The following ARHGAP20 variants were observed in gnomAD, a reference collection of about 807,000 sequenced individuals.
ARHGAP20 encodes Rho GTPase activating protein 20.
ARHGAP20 carries 34 observed loss-of-function variants against 73.7 expected under a neutral mutation model. The observed-to-expected ratio is 0.46, with a 90% confidence interval of 0.35 to 0.61. The LOEUF (loss-of-function observed/expected upper bound fraction) is 0.61. Ranked by LOEUF, ARHGAP20 falls within the 20% of genes least tolerant of loss-of-function variation. The pLI, the probability that ARHGAP20 is intolerant of heterozygous loss-of-function variation, is 0.00. For synonymous variants in ARHGAP20, 523 were observed against 518.2 expected, an observed-to-expected ratio of 1.01 and a Z score of -0.13; for missense variants, 1,314 against 1,420.9, an observed-to-expected ratio of 0.92 and a Z score of 1.21.
At chr11:110,603,368 T>C (rs894524288) in intron 9 of ARHGAP20, among the ~76,000 whole-genome samples, 1 of 152,206 alleles carries the variant, frequency 6.6e-6, no homozygotes, top group Non-Finnish European at 1.5e-5. Flanking sequence ...TAGTTTTTGC[T>C]GTAGATATGA....
intron 11 of ARHGAP20, among the ~76,000 whole-genome samples, chr11:110,589,145 A>T (rs1947754353): frequency 6.6e-6 from 1 of 152,244 alleles, no homozygotes; most frequent in African/African-American, 2.4e-5. Context: ...AGGAAAATTT[A>T]TCATGCATAA....
intron 4 of ARHGAP20, among the ~76,000 whole-genome samples, chr11:110,618,624 AGTATATGCAGTGATAGC>A (rs1565441263): frequency 2.0e-5 from 3 of 148,422 alleles, no homozygotes; most frequent in South Asian, 4.3e-4. Flanking sequence ...GCAGTGATAG[AGTATATGCAGTGATAGC>A]GTATATGCAG....
rs1950688162 is a variant in ARHGAP20, at chr11:110,712,411, T to G, written c.-180A>C. On this transcript the variant is annotated 5_prime_UTR_variant, in exon 1 of 15. Transcript: ENST00000683387. ...CGGGGCCATGTACCTCCGCCTGCGC[T>G]CGACACCGCGGGCTGGAGGCGAGTG... 1.2e-5 allele frequency: 4 copies of G among 332,472 alleles called. No homozygotes were observed. The highest frequency in any genetic ancestry group is 2.9e-4 in the South Asian group (2 of 7,000). 20.6% of individuals were successfully genotyped at this position (332,472 alleles called of 1,614,324 possible).
chr11:110,581,443 T>G (rs1947466115), intron 14 of ARHGAP20, among the ~76,000 whole-genome samples: 1 of 152,186 alleles, frequency 6.6e-6, no homozygotes, highest in African/African-American at 2.4e-5. Context: ...TTTCCTTAAG[T>G]AAGATTTTCT....
chr11:110,712,914 G>T (rs534517378), upstream of ARHGAP20: 1 of 152,604 alleles, frequency 6.6e-6, no homozygotes, highest in East Asian at 1.9e-4. Flanking sequence ...CCCCACTGGG[G>T]ATAGGGTGGC....
At chr11:110,633,149 T>C (rs1411124384) in intron 2 of ARHGAP20, among the ~76,000 whole-genome samples, 1 of 152,206 alleles carries the variant, frequency 6.6e-6, no homozygotes. Context: ...AAATTAATTT[T>C]GCTTAATAAG....
intron 2 of ARHGAP20, among the ~76,000 whole-genome samples, chr11:110,654,054 G>C (rs931112678): frequency 1.1e-4 from 17 of 152,124 alleles, no homozygotes; most frequent in African/African-American, 3.9e-4. Flanking sequence ...GCCTGTCAGG[G>C]TGGTGGAGAG....
At chr11:110,598,172 C>CTTT (rs35064891) in intron 9 of ARHGAP20, among the ~76,000 whole-genome samples, 5 of 145,392 alleles carry the variant, frequency 3.4e-5, no homozygotes, top group African/African-American at 7.6e-5. Context: ...ATATCCCCAC[C>CTTT]TTTTTTTTTT....
At chr11:110,656,377 G>A (rs1949467114) in intron 2 of ARHGAP20, among the ~76,000 whole-genome samples, 1 of 152,108 alleles carries the variant, frequency 6.6e-6, no homozygotes, top group African/African-American at 2.4e-5. Context: ...GGAAGCTCTT[G>A]GGCAAAAGAG....
At chr11:110,661,075 T>TA (rs370226125) in intron 2 of ARHGAP20, among the ~76,000 whole-genome samples, 1 of 152,212 alleles carries the variant, frequency 6.6e-6, no homozygotes, top group African/African-American at 2.4e-5. Flanking sequence ...TAGTTTCACT[T>TA]AAAAGTTATT....
intron 4 of ARHGAP20, among the ~76,000 whole-genome samples, chr11:110,619,649 G>C (rs889427933): frequency 6.6e-6 from 1 of 151,904 alleles, no homozygotes; most frequent in African/African-American, 2.4e-5. Context: ...CAGTGATAGA[G>C]TATATGTAGT....
intron 1 of ARHGAP20, among the ~76,000 whole-genome samples, chr11:110,694,848 T>C (rs1950306730): frequency 6.6e-6 from 1 of 151,636 alleles, no homozygotes; most frequent in African/African-American, 2.4e-5. Flanking sequence ...ATGAGGGTTT[T>C]ATGTGAATTA....
intron 4 of ARHGAP20, among the ~76,000 whole-genome samples, chr11:110,622,531 GA>G (rs1355599972): frequency 6.6e-6 from 1 of 152,094 alleles, no homozygotes; most frequent in Non-Finnish European, 1.5e-5. Flanking sequence ...ACTTATTTCA[GA>G]TTTCACCATT....
chr11:110,589,484 G>A, intron 11 of ARHGAP20: 1 of 985,436 alleles, frequency 1.0e-6, no homozygotes, highest in African/African-American at 1.7e-5. Context: ...CCTTAACTTG[G>A]TTTTCACGTT....
chr11:110,594,154 G>A (rs1947895841), intron 9 of ARHGAP20, among the ~76,000 whole-genome samples: 1 of 152,158 alleles, frequency 6.6e-6, no homozygotes, highest in Non-Finnish European at 1.5e-5. Flanking sequence ...CCAAGTTGTG[G>A]GAGGATAAAT....
intron 2 of ARHGAP20, among the ~76,000 whole-genome samples, chr11:110,677,126 TG>T (rs1161379817): frequency 6.6e-6 from 1 of 152,206 alleles, no homozygotes; most frequent in Non-Finnish European, 1.5e-5. Context: ...TCAAGTGCTT[TG>T]GGGCCTTACA....
At chr11:110,688,998 A>G (rs1950189556) in intron 2 of ARHGAP20, among the ~76,000 whole-genome samples, 1 of 130,868 alleles carries the variant, frequency 7.6e-6, no homozygotes, top group Non-Finnish European at 1.6e-5. Context: ...ACTTTCATAT[A>G]GTTTTTTTTT....
chr11:110,597,220 C>T (rs1246898195), intron 9 of ARHGAP20, among the ~76,000 whole-genome samples: 1 of 150,492 alleles, frequency 6.6e-6, no homozygotes, highest in Non-Finnish European at 1.5e-5. Context: ...AGCACACCAA[C>T]ATGGCACGTG....
Position 110,592,172 on chromosome 11 carries a change from C to A in ARHGAP20, c.965-17G>T. The A allele has an allele frequency of 6.3e-7, 1 of 1,595,624 alleles. No homozygotes were observed. Among genetic ancestry groups the A allele is most frequent in the Non-Finnish European group, 8.6e-7 (1 of 1,168,206 alleles). ...GACCTGAATCTAAGGAAGAAGTGAGCTTATTAGAAAAATGAGTTTCATTCA... is the reference window on the plus strand; with the variant it reads ...GACCTGAATCTAAGGAAGAAGTGAGATTATTAGAAAAATGAGTTTCATTCA... On this transcript the variant is annotated splice_polypyrimidine_tract_variant and intron_variant, in intron 9 of 14. Transcript: ENST00000683387.
Sources: allele counts gnomAD v4.1 joint callset (sites outside exome capture counted in the v4.1 genomes callset), GRCh38; gene constraint gnomAD v4.1.1; transcripts MANE v1.5; gene names NCBI Gene and HGNC (gene_info 2026-07-23, HGNC 2026-07-21).